Variants in MCTP1 observed in about 807,000 individuals in gnomAD.
The protein encoded by MCTP1 is multiple C2 and transmembrane domain containing 1, also known as multiple C2 and transmembrane domain-containing protein 1.
MCTP1 carries 69 observed loss-of-function variants against 120.6 expected under a neutral mutation model. That is an observed-to-expected ratio of 0.57 (90% CI 0.47 to 0.70). MCTP1 has a LOEUF of 0.70. Ranked by LOEUF, MCTP1 falls within the 30% of genes least tolerant of loss-of-function variation. The probability of loss-of-function intolerance (pLI) is 0.00; values close to 1 mark genes in which losing one functional copy is unlikely to be tolerated. For missense variants in MCTP1, 1,203 were observed against 1,248.8 expected, an observed-to-expected ratio of 0.96 and a Z score of 0.55; for synonymous variants, 529 against 493.1, an observed-to-expected ratio of 1.07 and a Z score of -0.96.
chr5:95,094,950 C>T (rs2152349237), intron 1 of MCTP1, among the ~76,000 whole-genome samples: 1 of 145,284 alleles, frequency 6.9e-6, no homozygotes, highest in Middle Eastern at 3.5e-3. Context: ...TGTTTTGCTT[C>T]CTAGTGATTA....
intron 19 of MCTP1, 45 bp downstream of exon 19, chr5:94,779,065 C>A: frequency 6.5e-7 from 1 of 1,531,550 alleles, no homozygotes; most frequent in South Asian, 1.1e-5. Context: ...GTCATGTCTA[C>A]ATTTCCCCAT....
chr5:95,107,489 C>A (rs1296445127), intron 1 of MCTP1, among the ~76,000 whole-genome samples: 1 of 152,078 alleles, frequency 6.6e-6, no homozygotes, highest in African/African-American at 2.4e-5. Context: ...GATCATACTA[C>A]AAAGATAAAA....
At chr5:94,954,969 A>T (rs529354036) in intron 2 of MCTP1, among the ~76,000 whole-genome samples, 4 of 152,310 alleles carry the variant, frequency 2.6e-5, no homozygotes, top group African/African-American at 9.6e-5. Flanking sequence ...GTTGATTCCC[A>T]GGCAAGATGG....
intron 2 of MCTP1, among the ~76,000 whole-genome samples, chr5:95,006,068 G>C (rs1468125522): frequency 1.3e-5 from 2 of 152,070 alleles, no homozygotes; most frequent in South Asian, 2.1e-4. Flanking sequence ...ATAGCACCCA[G>C]AGAGAAAACC....
At chr5:94,947,577 T>TATATATATATATAGAGAGAGAGAG in intron 3 of MCTP1, among the ~76,000 whole-genome samples, 15 of 47,388 alleles carry the variant, frequency 3.2e-4, no homozygotes, top group Non-Finnish European at 4.8e-4. Context: ...TATATATATA[T>TATATATATATATAGAGAGAGAGAG]AGAGAGAGAG....
At chr5:95,256,238 G>A (rs918285780) in intron 1 of MCTP1, among the ~76,000 whole-genome samples, 1 of 152,190 alleles carries the variant, frequency 6.6e-6, no homozygotes, top group Non-Finnish European at 1.5e-5. Context: ...AATAAATGGA[G>A]GTTTCTTTTC....
At position 94,704,168 on chromosome 5, in the gene MCTP1, T is replaced by TAATC. The variant is rs1220612779; in HGVS notation, c.*3324_*3327dup. 20 of 118,212 alleles carry TAATC rather than the reference T, an allele frequency of 1.7e-4. No individual in the cohort carries two copies. Among genetic ancestry groups the TAATC allele is most frequent in the South Asian group, 1.5e-3 (6 of 3,940 alleles). The allele number at this position is 118,212 out of a possible 1,614,324, so 7.3% of individuals were successfully genotyped here. A position where few individuals can be genotyped will look rare whatever the true frequency, so the allele number is the denominator to read the frequency against. The stretch of plus-strand genomic sequence containing the variant: ...TAGAAAAGGCTGATTCTAGATACCC[T>TAATC]AATCAAACCAACGAATAGACATCAT... On this transcript the variant is annotated 3_prime_UTR_variant, in exon 23 of 23. Transcript: ENST00000515393.
At chr5:94,788,795 T>A (rs1279796569) in intron 18 of MCTP1, 1 of 150,984 alleles carries the variant, frequency 6.6e-6, no homozygotes, top group African/African-American at 2.4e-5. Context: ...CAAACCAGAA[T>A]TGTGGGTATC....
At position 95,175,888 on chromosome 5, in the gene MCTP1, A is replaced by T. The variant is rs528373427; in HGVS notation, c.720+107968T>A. ...ACATAAGGTTTTCTCAAAACCAAAC[A>T]AAACAAAAACATAAAAAACTGACAT... On this transcript the variant is annotated intron_variant, in intron 1 of 22. Coordinates refer to ENST00000515393, the MANE Select transcript of MCTP1 (RefSeq NM_024717.7). Among the ~76,000 whole-genome samples, 7 of 152,308 alleles carry T rather than the reference A, an allele frequency of 4.6e-5. No homozygotes were observed. The South Asian group carries it at 1.4e-3, about 32-fold the overall frequency.
chr5:95,061,489 G>T (rs1485147555), intron 1 of MCTP1, among the ~76,000 whole-genome samples: 1 of 118,388 alleles, frequency 8.4e-6, no homozygotes, highest in Admixed American at 1.1e-4. Context: ...AGGCTGGAGT[G>T]CAGTGGCGGG....
chr5:95,152,262 AT>A (rs1275538380), intron 1 of MCTP1, among the ~76,000 whole-genome samples: 1 of 152,224 alleles, frequency 6.6e-6, no homozygotes, highest in Non-Finnish European at 1.5e-5. Flanking sequence ...CACCAGGATC[AT>A]TCCAGATTCT....
intron 1 of MCTP1, among the ~76,000 whole-genome samples, chr5:95,096,682 AC>A (rs751825695): frequency 5.3e-5 from 8 of 152,230 alleles, no homozygotes; most frequent in South Asian, 2.1e-4. Flanking sequence ...TTAGCATCTT[AC>A]AGAGCTACAT....
intron 1 of MCTP1, among the ~76,000 whole-genome samples, chr5:95,150,210 C>G (rs1316171508): frequency 6.6e-6 from 1 of 152,164 alleles, no homozygotes; most frequent in Non-Finnish European, 1.5e-5. Context: ...ATTGCATAAC[C>G]TAATAATGAT....
intron 1 of MCTP1, among the ~76,000 whole-genome samples, chr5:95,098,100 G>A (rs190422045): frequency 3.9e-4 from 60 of 152,008 alleles, no homozygotes; most frequent in Admixed American, 1.1e-3. Context: ...ATAGATCAAC[G>A]GTAAGTTTAG....
Position 95,131,392 on chromosome 5 carries a change from T to A in MCTP1, c.721-113908A>T, listed in dbSNP as rs190176020. On this transcript the variant is annotated intron_variant, in intron 1 of 22. Transcript: ENST00000515393. Reference sequence around the variant, plus strand: ...ATTTTAATAGACCTGATTCTGTTCATGTGGCTAGATTTTGTTGCTGAGGAC... The same window carrying A: ...ATTTTAATAGACCTGATTCTGTTCAAGTGGCTAGATTTTGTTGCTGAGGAC... Among the ~76,000 whole-genome samples the A allele has an allele frequency of 2.2e-3, 328 of 152,316 alleles. 1 individual carries two copies. Among genetic ancestry groups the A allele is most frequent in the Non-Finnish European group, 3.9e-3 (263 of 68,010 alleles).
intron 1 of MCTP1, among the ~76,000 whole-genome samples, chr5:95,035,991 C>T (rs1467761697): frequency 6.6e-6 from 1 of 151,986 alleles, no homozygotes; most frequent in Admixed American, 6.5e-5. Context: ...ATTTATTGGA[C>T]CTGAGAACAA....
At chr5:94,796,231 C>A (rs1483934747) in intron 18 of MCTP1, among the ~76,000 whole-genome samples, 1 of 151,912 alleles carries the variant, frequency 6.6e-6, no homozygotes, top group Non-Finnish European at 1.5e-5. Context: ...ATAGTTTTCA[C>A]CCTAATTAAA....
chr5:94,869,959 C>T (rs1797521724), intron 16 of MCTP1, among the ~76,000 whole-genome samples: 1 of 152,006 alleles, frequency 6.6e-6, no homozygotes, highest in South Asian at 2.1e-4. Context: ...ATGGAGCCTC[C>T]TCGCATCTGG....
intron 5 of MCTP1, among the ~76,000 whole-genome samples, chr5:94,933,827 A>T (rs954699578): frequency 2.0e-5 from 3 of 151,950 alleles, no homozygotes; most frequent in African/African-American, 4.8e-5. Flanking sequence ...AACCTTCTAT[A>T]GTAAACAAAA....
Sources: allele counts gnomAD v4.1 joint callset (sites outside exome capture counted in the v4.1 genomes callset), GRCh38; gene constraint gnomAD v4.1.1; transcripts MANE v1.5; gene names NCBI Gene and HGNC (gene_info 2026-07-23, HGNC 2026-07-21).